ISM1: variants seen among roughly 807,000 people sequenced by gnomAD.
ISM1 encodes the protein isthmin 1.
In ISM1, 25 loss-of-function variants were observed where a neutral mutation model predicts 46.3. The observed-to-expected ratio is 0.54, with a 90% CI of 0.39 to 0.75. The LOEUF is 0.75. Among genes scored for constraint, ISM1 ranks in the 30% least tolerant of loss-of-function variants. The pLI, the probability that ISM1 is intolerant of heterozygous loss-of-function variation, is 0.00. For synonymous variants in ISM1, 255 were observed against 256.7 expected (o/e 0.99, Z 0.06); for missense variants, 536 against 625.4 (o/e 0.86, Z 1.52).
intron 4 of ISM1, among the ~76,000 whole-genome samples, chr20:13,291,812 A>G (rs1415817997): frequency 2.6e-5 from 4 of 152,208 alleles, no homozygotes; most frequent in Non-Finnish European, 5.9e-5. Context: ...CAAATATTCA[A>G]GGGAAAACTA....
At chr20:13,237,265 C>T (rs1420123814) in intron 1 of ISM1, among the ~76,000 whole-genome samples, 2 of 152,220 alleles carry the variant, frequency 1.3e-5, no homozygotes, top group African/African-American at 2.4e-5. Flanking sequence ...AATCTATTCA[C>T]TAATGCACTC....
intron 5 of ISM1, among the ~76,000 whole-genome samples, chr20:13,295,028 G>A (rs2040393337): frequency 6.6e-6 from 1 of 152,018 alleles, no homozygotes; most frequent in Admixed American, 6.5e-5. Flanking sequence ...TTCTATTGAT[G>A]AGTGCCCAAA....
intron 3 of ISM1, among the ~76,000 whole-genome samples, chr20:13,282,514 C>T (rs967089424): frequency 1.2e-4 from 18 of 152,168 alleles, no homozygotes; most frequent in African/African-American, 4.3e-4. Context: ...CTAGAATTTG[C>T]CCTGGGGCAG....
At chr20:13,273,733 A>G (rs2040141794) in intron 2 of ISM1, among the ~76,000 whole-genome samples, 1 of 152,216 alleles carries the variant, frequency 6.6e-6, no homozygotes, top group Non-Finnish European at 1.5e-5. Context: ...ATGCGGCTCC[A>G]GCCTAGCTAC....
chr20:13,320,858 G>A, the ISM1 span, among the ~76,000 whole-genome samples: 3 of 152,128 alleles, frequency 2.0e-5, no homozygotes, highest in African/African-American at 7.2e-5. Context: ...CCATTGACTA[G>A]AACGTAGTCA....
intron 1 of ISM1, among the ~76,000 whole-genome samples, chr20:13,242,306 A>T (rs2039735675): frequency 6.6e-6 from 1 of 152,212 alleles, no homozygotes; most frequent in Non-Finnish European, 1.5e-5. Flanking sequence ...GAATGACCAG[A>T]AACTCCACAG....
rs147696184 is a variant in ISM1, at chr20:13,284,908, C to T, written c.644-3632C>T. Among the ~76,000 whole-genome samples, 827 of 152,318 alleles carry T rather than the reference C, an allele frequency of 5.4e-3. 8 individuals are homozygous for T. The highest frequency in any genetic ancestry group is 0.019 in the African/African-American group (773 of 41,562). ...TACTGCAATAATAAATCCTTGATGG[C>T]TTCAGAGTCTGGCAGCTGTCTAGAG... On this transcript the variant is annotated intron_variant, in intron 3 of 5. Transcript: ENST00000262487.
intron 1 of ISM1, among the ~76,000 whole-genome samples, chr20:13,252,680 G>A (rs186311067): frequency 1.8e-3 from 269 of 152,176 alleles, no homozygotes; most frequent in African/African-American, 6.2e-3. Context: ...GCTTGAACAC[G>A]GGAGACAGAG....
intron 1 of ISM1, among the ~76,000 whole-genome samples, chr20:13,249,787 TTTG>T (rs1241100035): frequency 4.4e-5 from 2 of 45,792 alleles, no homozygotes; most frequent in Non-Finnish European, 7.3e-5. Flanking sequence ...TGCGTTTTGT[TTTG>T]TTTTGTTTTG....
the ISM1 span, among the ~76,000 whole-genome samples, chr20:13,310,956 G>A: frequency 9.2e-5 from 14 of 152,250 alleles, no homozygotes; most frequent in Admixed American, 1.3e-4. Context: ...CACTTTGGGA[G>A]GCTGAGGCGA....
At chr20:13,242,707 T>G (rs2039741164) in intron 1 of ISM1, among the ~76,000 whole-genome samples, 1 of 152,158 alleles carries the variant, frequency 6.6e-6, no homozygotes, top group African/African-American at 2.4e-5. Flanking sequence ...GTTTCTATGC[T>G]TATTAAGGTT....
chr20:13,241,222 T>G (rs2039718444), intron 1 of ISM1, among the ~76,000 whole-genome samples: 1 of 152,084 alleles, frequency 6.6e-6, no homozygotes, highest in Non-Finnish European at 1.5e-5. Flanking sequence ...CAGACTCCAG[T>G]GTCTATTGGG....
chr20:13,263,367 G>A (rs770232929), intron 1 of ISM1, among the ~76,000 whole-genome samples: 19 of 150,274 alleles, frequency 1.3e-4, no homozygotes, highest in Non-Finnish European at 2.2e-4. Flanking sequence ...TCCTAGGATC[G>A]TGGTCTCCAT....
intron 1 of ISM1, among the ~76,000 whole-genome samples, chr20:13,241,532 T>TGAGCTA (rs2039723230): frequency 6.6e-6 from 1 of 151,976 alleles, no homozygotes; most frequent in Non-Finnish European, 1.5e-5. Context: ...TGTGTAACAA[T>TGAGCTA]TGGGAAGAGA....
Position 13,279,792 on chromosome 20 carries a change from G to T in ISM1, c.537G>T (p.Lys179Asn). The T allele has an allele frequency of 6.2e-7, 1 of 1,614,056 alleles. No homozygotes were observed. Among genetic ancestry groups the T allele is most frequent in the Non-Finnish European group, 8.5e-7 (1 of 1,179,906 alleles). The change falls in exon 3 of 6, where the codon AAG becomes AAT. Residue 179 changes from lysine to asparagine, a missense_variant. Around this residue, in one of 2 missense-constraint regions of ISM1, gnomAD observed 367 missense variants for 376.1 expected, o/e 0.98. Coordinates refer to ENST00000262487, the MANE Select transcript of ISM1 (RefSeq NM_080826.2). ...ARANSGDQDYKYDSTSDDSNF... is the reference protein window; with the variant it reads ...ARANSGDQDYNYDSTSDDSNF... ...CAAACAGCGGGGACCAGGACTACAA[G>T]TACGACAGTACCTCAGACGACAGCA... is the stretch of plus-strand genomic sequence containing the variant.
intron 5 of ISM1, among the ~76,000 whole-genome samples, chr20:13,296,747 T>C (rs918207011): frequency 6.6e-6 from 1 of 152,128 alleles, no homozygotes; most frequent in African/African-American, 2.4e-5. Context: ...CAGCCAGGCG[T>C]GGTGGCTTAC....
intron 3 of ISM1, among the ~76,000 whole-genome samples, chr20:13,286,907 G>A (rs2040299977): frequency 6.6e-6 from 1 of 152,234 alleles, no homozygotes; most frequent in African/African-American, 2.4e-5. Context: ...TCCACGCTTG[G>A]CAGCAGCAGA....
At chr20:13,294,713 C>T (rs1157059445) in intron 5 of ISM1, among the ~76,000 whole-genome samples, 1 of 152,202 alleles carries the variant, frequency 6.6e-6, no homozygotes, top group Non-Finnish European at 1.5e-5. Flanking sequence ...TCAATGACTA[C>T]TCAGAGAGGA....
intron 1 of ISM1, among the ~76,000 whole-genome samples, chr20:13,231,801 C>G (rs1311551435): frequency 6.6e-6 from 1 of 152,158 alleles, no homozygotes; most frequent in African/African-American, 2.4e-5. Flanking sequence ...AAGTTTGGGT[C>G]TCTGAGCTGC....
Sources: allele counts gnomAD v4.1 joint callset (sites outside exome capture counted in the v4.1 genomes callset), GRCh38; gene constraint gnomAD v4.1.1; regional missense constraint gnomAD v4.1.1; transcripts MANE v1.5; gene names NCBI Gene and HGNC (gene_info 2026-07-23, HGNC 2026-07-21).